SVOP: variants seen among roughly 807,000 people sequenced by gnomAD.
SVOP encodes SV2 related protein, also known as synaptic vesicle 2-related protein.
Under a neutral mutation model 69.1 loss-of-function variants are expected in SVOP, and 17 were observed. The ratio of observed to expected loss-of-function variants is 0.25; its 90% confidence interval spans 0.17 to 0.37. SVOP has a LOEUF of 0.37. Ranked by LOEUF, SVOP falls within the 10% of genes least tolerant of loss-of-function variation. The probability of loss-of-function intolerance (pLI) is 1.00; values close to 1 mark genes in which losing one functional copy is unlikely to be tolerated. For missense variants in SVOP, 435 were observed against 597.5 expected, an observed-to-expected ratio of 0.73 and a Z score of 2.84; for synonymous variants, 238 against 238.6, an observed-to-expected ratio of 1.00 and a Z score of 0.02.
At chr12:109,015,564 C>T (rs2040363318) in intron 1 of SVOP, among the ~76,000 whole-genome samples, 1 of 152,110 alleles carries the variant, frequency 6.6e-6, no homozygotes, top group African/African-American at 2.4e-5. Context: ...GTAATCCCAG[C>T]ATTTTGCGGG....
intron 1 of SVOP, among the ~76,000 whole-genome samples, chr12:108,985,324 G>T (rs1467588717): frequency 6.6e-6 from 1 of 151,234 alleles, no homozygotes. Context: ...AAAAAAGGAA[G>T]GAAGGAAGCA....
At chr12:108,966,849 A>G (rs1050465587) in intron 5 of SVOP, among the ~76,000 whole-genome samples, 6 of 152,176 alleles carry the variant, frequency 3.9e-5, no homozygotes, top group African/African-American at 1.4e-4. Context: ...CCAGCGGCCA[A>G]GGTCAGGGTT....
rs1318159745 is a variant in SVOP, at chr12:108,908,075, G to A, written c.*4460C>T. 4 of 152,368 alleles carry A rather than the reference G, an allele frequency of 2.6e-5. No homozygotes were observed. Among genetic ancestry groups the A allele is most frequent in the Non-Finnish European group, 4.4e-5 (3 of 68,150 alleles). The allele number at this position is 152,368 out of a possible 1,614,324, so 9.4% of individuals were successfully genotyped here. A position where few individuals can be genotyped will look rare whatever the true frequency, so the allele number is the denominator to read the frequency against. On this transcript the variant is annotated 3_prime_UTR_variant, in exon 16 of 16. Coordinates refer to ENST00000610966, the MANE Select transcript of SVOP (RefSeq NM_018711.5). ...CAGCTTCATTCCTGAAGATCTGGGAGTGGGGCACTGAGCAGCTGAGTCAGG... is the reference window on the plus strand; with the variant it reads ...CAGCTTCATTCCTGAAGATCTGGGAATGGGGCACTGAGCAGCTGAGTCAGG...
intron 1 of SVOP, among the ~76,000 whole-genome samples, chr12:109,015,680 C>T (rs1160399629): frequency 6.6e-6 from 1 of 152,024 alleles, no homozygotes; most frequent in African/African-American, 2.4e-5. Context: ...TGCCTGTTAT[C>T]CCAGCTACAG....
intron 15 of SVOP, among the ~76,000 whole-genome samples, chr12:108,914,425 T>TA (rs1208123742): frequency 2.0e-5 from 3 of 152,200 alleles, no homozygotes; most frequent in Non-Finnish European, 4.4e-5. Flanking sequence ...CAAAAAGACT[T>TA]ACTAAGATCC....
intron 11 of SVOP, among the ~76,000 whole-genome samples, chr12:108,928,161 C>T (rs1453534117): frequency 1.3e-5 from 2 of 152,128 alleles, no homozygotes; most frequent in Admixed American, 1.3e-4. Flanking sequence ...GCCTCAGCCT[C>T]CCAAAGTGCT....
intron 13 of SVOP, among the ~76,000 whole-genome samples, chr12:108,918,418 A>G (rs1029640821): frequency 9.9e-5 from 15 of 152,222 alleles, no homozygotes; most frequent in Non-Finnish European, 7.3e-5. Flanking sequence ...TCAGACAGGA[A>G]TTTGGCTGAG....
rs2039674231 is a variant in SVOP, at chr12:108,910,284, T to C, written c.*2251A>G. The C allele has an allele frequency of 6.6e-6, 1 of 152,164 alleles. No individual in the cohort carries two copies. The allele number at this position is 152,164 out of a possible 1,614,324, so 9.4% of individuals were successfully genotyped here. On this transcript the variant is annotated 3_prime_UTR_variant, in exon 16 of 16. Transcript: ENST00000610966. ...GCAGGAGTTTTTAACTTTCACTTTCTCAAGTAGAGAAGGCCCTCAACTGTA... is the reference window on the plus strand; with the variant it reads ...GCAGGAGTTTTTAACTTTCACTTTCCCAAGTAGAGAAGGCCCTCAACTGTA...
chr12:108,934,983 G>A (rs973829644), intron 10 of SVOP, among the ~76,000 whole-genome samples: 3 of 152,172 alleles, frequency 2.0e-5, no homozygotes, highest in Non-Finnish European at 4.4e-5. Context: ...GACTGGTCTT[G>A]AATTATTTCT....
chr12:108,993,351 A>G (rs1238345506), intron 1 of SVOP, among the ~76,000 whole-genome samples: 2 of 148,146 alleles, frequency 1.4e-5, no homozygotes, highest in African/African-American at 2.5e-5. Context: ...TAAAATGGTA[A>G]AGTCTACGTT....
At chr12:109,006,283 C>T (rs141492770) in intron 1 of SVOP, among the ~76,000 whole-genome samples, 488 of 152,244 alleles carry the variant, frequency 3.2e-3, no homozygotes, top group African/African-American at 0.011. Flanking sequence ...AAACTCCTGA[C>T]CTCAGATGAT....
intron 6 of SVOP, among the ~76,000 whole-genome samples, chr12:108,960,654 T>C (rs2040013017): frequency 6.6e-6 from 1 of 152,180 alleles, no homozygotes; most frequent in South Asian, 2.1e-4. Context: ...TGCGTCCAAG[T>C]GGAACAGTCA....
At chr12:108,952,042 G>A (rs1367056827) in intron 6 of SVOP, among the ~76,000 whole-genome samples, 1 of 152,076 alleles carries the variant, frequency 6.6e-6, no homozygotes, top group Non-Finnish European at 1.5e-5. Flanking sequence ...ATGGGACCAG[G>A]TGCCTGGGTG....
intron 6 of SVOP, among the ~76,000 whole-genome samples, chr12:108,946,243 C>G (rs1328983763): frequency 6.6e-6 from 1 of 151,594 alleles, no homozygotes; most frequent in African/African-American, 2.4e-5. Flanking sequence ...ATTATAGGCA[C>G]ACACCACCAC....
intron 11 of SVOP, among the ~76,000 whole-genome samples, chr12:108,929,053 C>G (rs1056838095): frequency 6.6e-6 from 1 of 152,234 alleles, no homozygotes; most frequent in African/African-American, 2.4e-5. Flanking sequence ...TCATATTTCT[C>G]TACGACTCTC....
At chr12:108,932,191 A>G (rs1030167031) in intron 11 of SVOP, among the ~76,000 whole-genome samples, 9 of 151,658 alleles carry the variant, frequency 5.9e-5, no homozygotes, top group Admixed American at 5.9e-4. Context: ...AATTTTTTAA[A>G]TTTTTTGTAG....
intron 1 of SVOP, among the ~76,000 whole-genome samples, chr12:109,005,330 A>G (rs1480311733): frequency 6.6e-6 from 1 of 152,162 alleles, no homozygotes; most frequent in East Asian, 1.9e-4. Flanking sequence ...CACCTATAAA[A>G]TGGAAATGGT....
intron 11 of SVOP, among the ~76,000 whole-genome samples, chr12:108,928,343 A>G (rs2039794877): frequency 6.6e-6 from 1 of 151,994 alleles, no homozygotes; most frequent in Non-Finnish European, 1.5e-5. Flanking sequence ...GCGAAAATGC[A>G]CACCTTTGAT....
chr12:108,955,833 A>T (rs1362544615), intron 6 of SVOP, among the ~76,000 whole-genome samples: 1 of 152,170 alleles, frequency 6.6e-6, no homozygotes, highest in African/African-American at 2.4e-5. Context: ...TCATTTAATG[A>T]CTATTTTAAG....
Sources: gnomAD v4.1 joint callset for allele counts (sites outside exome capture counted in the v4.1 genomes callset) on GRCh38, gnomAD v4.1.1 for gene constraint, MANE v1.5 for transcripts, NCBI Gene and HGNC (gene_info 2026-07-23, HGNC 2026-07-21) for gene names.